The following SH2D1A variants were observed in gnomAD, a reference collection of about 807,000 sequenced individuals.
SH2D1A encodes the protein SH2 domain containing 1A.
SH2D1A carries 6 observed loss-of-function variants against 10.1 expected under a neutral mutation model. The observed-to-expected ratio is 0.60, with a 90% CI of 0.33 to 1.18. SH2D1A has a LOEUF of 1.18. Ranked by LOEUF, SH2D1A falls within the 50% of genes most tolerant of loss-of-function variation. The pLI is 0.04. For missense variants in SH2D1A, 51 were observed against 97.6 expected (o/e 0.52, Z 2.01); for synonymous variants, 42 against 36.9 (o/e 1.14, Z -0.51).
chrX:124,369,528 G>T (rs183556780), intron 2 of SH2D1A, among the ~76,000 whole-genome samples: 1 of 112,115 alleles, frequency 8.9e-6, no homozygotes, highest in East Asian at 2.8e-4. Flanking sequence ...ACAGTGACGT[G>T]CTGATGGAGA....
intron 1 of SH2D1A, among the ~76,000 whole-genome samples, chrX:124,349,091 A>G (rs570414600): frequency 2.7e-5 from 3 of 112,531 alleles, no homozygotes; most frequent in Admixed American, 1.9e-4. Flanking sequence ...TTTTCGCCCA[A>G]AGTGAATCTT....
At chrX:124,350,118 C>T (rs1308306553) in intron 1 of SH2D1A, among the ~76,000 whole-genome samples, 1 of 78,009 alleles carries the variant, frequency 1.3e-5, no homozygotes, top group Non-Finnish European at 2.3e-5. Flanking sequence ...TTTTTGTATG[C>T]GTCAAAAAAA....
chrX:124,348,964 A>G (rs1027880669), intron 1 of SH2D1A, among the ~76,000 whole-genome samples: 7 of 112,511 alleles, frequency 6.2e-5, no homozygotes, highest in African/African-American at 2.3e-4. Context: ...CCTTCTGCAA[A>G]AGATTGCCTT....
At chrX:124,349,616 G>A (rs1281147383) in intron 1 of SH2D1A, among the ~76,000 whole-genome samples, 1 of 111,069 alleles carries the variant, frequency 9.0e-6, no homozygotes, top group Non-Finnish European at 1.9e-5. Flanking sequence ...TATTTTTATT[G>A]TAGAGATAAT....
intron 1 of SH2D1A, among the ~76,000 whole-genome samples, chrX:124,350,250 A>G (rs1266837634): frequency 2.6e-5 from 1 of 38,776 alleles, no homozygotes; most frequent in Non-Finnish European, 4.0e-5. Flanking sequence ...ATTATATAAT[A>G]TATAATATAT....
chrX:124,362,677 C>A (rs776753461), intron 1 of SH2D1A, among the ~76,000 whole-genome samples: 1 of 111,453 alleles, frequency 9.0e-6, no homozygotes, highest in Admixed American at 9.6e-5. Flanking sequence ...GAGTTAATTT[C>A]TTTTGAGGCC....
rs1177573662 is a variant in SH2D1A at position 124,372,264 on chromosome X, C to G, written c.*873C>G. On this transcript the variant is annotated 3_prime_UTR_variant, in exon 4 of 4. Transcript: ENST00000371139. ...GGTTGTATTATTTTTTAAAAAAATTCCAAGTGATTGAAACCTACACGAGAT... is the reference window on the plus strand; with the variant it reads ...GGTTGTATTATTTTTTAAAAAAATTGCAAGTGATTGAAACCTACACGAGAT... 10 of 165,016 alleles carry G rather than the reference C, an allele frequency of 6.1e-5. No homozygotes were observed. Among genetic ancestry groups the G allele is most frequent in the African/African-American group, 3.0e-4 (10 of 33,149 alleles). The allele number at this position is 165,016 out of a possible 1,213,427, so 13.6% of individuals were successfully genotyped here.
At chrX:124,369,925 G>T (rs1439391591) in intron 2 of SH2D1A, among the ~76,000 whole-genome samples, 1 of 111,589 alleles carries the variant, frequency 9.0e-6, no homozygotes, top group African/African-American at 3.3e-5. Context: ...AGGGCAATGA[G>T]CAAGAGCTTG....
chrX:124,366,347 G>C (rs957060076), intron 2 of SH2D1A, among the ~76,000 whole-genome samples: 3 of 110,939 alleles, frequency 2.7e-5, no homozygotes, highest in African/African-American at 9.9e-5. Flanking sequence ...TCTTGGGCAG[G>C]TTACTTGACT....
At chrX:124,350,330 A>T (rs1214383180) in intron 1 of SH2D1A, among the ~76,000 whole-genome samples, 2 of 27,877 alleles carry the variant, frequency 7.2e-5, no homozygotes, top group African/African-American at 1.8e-4. Flanking sequence ...ATATTATATA[A>T]TATATAATAT....
chrX:124,365,569 C>T (rs965502509), intron 1 of SH2D1A, among the ~76,000 whole-genome samples, 192 bp from the exon 2 acceptor site: 2 of 111,282 alleles, frequency 1.8e-5, no homozygotes, highest in African/African-American at 6.5e-5. Flanking sequence ...AGAAATCTCA[C>T]TGGAAACTGT....
At chrX:124,350,329 A>T (rs1354504648) in intron 1 of SH2D1A, among the ~76,000 whole-genome samples, 14 of 29,069 alleles carry the variant, frequency 4.8e-4, no homozygotes, top group East Asian at 1.7e-3. Context: ...AATATTATAT[A>T]ATATATAATA....
chrX:124,353,906 A>G (rs182898484), intron 1 of SH2D1A, among the ~76,000 whole-genome samples: 137 of 112,268 alleles, frequency 1.2e-3, no homozygotes, highest in Admixed American at 3.0e-3. Flanking sequence ...AAACAACTGA[A>G]CTGGAGAAAT....
chrX:124,359,316 T>C (rs1198459646), intron 1 of SH2D1A, among the ~76,000 whole-genome samples: 1 of 111,592 alleles, frequency 9.0e-6, no homozygotes, highest in Non-Finnish European at 1.9e-5. Context: ...GGAGATAGAG[T>C]CATTGTATTT....
At chrX:124,360,600 TAAA>T (rs57948305) in intron 1 of SH2D1A, among the ~76,000 whole-genome samples, 3 of 30,792 alleles carry the variant, frequency 9.7e-5, no homozygotes, top group Non-Finnish European at 1.1e-4. Flanking sequence ...AAGACACCAT[TAAA>T]AAAAAAAAAA....
At chrX:124,353,572 C>A (rs963023637) in intron 1 of SH2D1A, among the ~76,000 whole-genome samples, 2 of 110,975 alleles carry the variant, frequency 1.8e-5, no homozygotes, top group East Asian at 5.6e-4. Context: ...ACATTTCTTC[C>A]CTTCTCACCC....
At chrX:124,368,026 G>C (rs928126125) in intron 2 of SH2D1A, among the ~76,000 whole-genome samples, 1 of 111,735 alleles carries the variant, frequency 8.9e-6, no homozygotes, top group African/African-American at 3.3e-5. Context: ...CCAGTCATTT[G>C]CTTATGAAAC....
intron 1 of SH2D1A, among the ~76,000 whole-genome samples, chrX:124,365,446 G>A (rs1603238817): frequency 9.1e-6 from 1 of 110,338 alleles, no homozygotes; most frequent in East Asian, 2.8e-4. Flanking sequence ...ATAATTCATG[G>A]TTTTATCAAT....
At chrX:124,365,573 A>G (rs2060052010) in intron 1 of SH2D1A, among the ~76,000 whole-genome samples, 188 bp from the exon 2 acceptor site, 1 of 111,552 alleles carries the variant, frequency 9.0e-6, no homozygotes, top group Non-Finnish European at 1.9e-5. Context: ...ATCTCACTGG[A>G]AACTGTGGTT....
Sources: gnomAD v4.1 joint callset for allele counts (sites outside exome capture counted in the v4.1 genomes callset) on GRCh38, gnomAD v4.1.1 for gene constraint, MANE v1.5 for transcripts, NCBI Gene and HGNC (gene_info 2026-07-23, HGNC 2026-07-21) for gene names.